The following TGFBR2 variants were observed in gnomAD, a reference collection of about 807,000 sequenced individuals.
The protein encoded by TGFBR2 is TGF-beta receptor type-2.
TGFBR2 carries 18 observed loss-of-function variants against 49.0 expected under a neutral mutation model. The ratio of observed to expected loss-of-function variants is 0.37; its 90% confidence interval spans 0.25 to 0.54. The LOEUF (loss-of-function observed/expected upper bound fraction) is 0.54, where lower values mean the gene tolerates loss of function less well. Ranked by LOEUF, TGFBR2 falls within the 20% of genes least tolerant of loss-of-function variation. TGFBR2 has a pLI of 0.85. For missense variants in TGFBR2, 525 were observed against 722.6 expected (o/e 0.73, Z 3.13); for synonymous variants, 282 against 275.9 (o/e 1.02, Z -0.22).
At chr3:30,618,593 A>G (rs539662754) in intron 1 of TGFBR2, among the ~76,000 whole-genome samples, 2 of 152,118 alleles carry the variant, frequency 1.3e-5, no homozygotes, top group South Asian at 4.1e-4. Context: ...CTCATTAGGC[A>G]TTTACTCACA....
rs1699660346 is a variant in TGFBR2, at chr3:30,688,440, G to A, written c.1453G>A (p.Glu485Lys). The change falls in exon 6 of 7, where the codon GAA becomes AAA. Residue 485 changes from glutamate to lysine, a missense_variant. Coordinates refer to ENST00000295754, the MANE Select transcript of TGFBR2 (RefSeq NM_003242.6). Reference sequence around the variant, plus strand: ...CAAGGTGCGGGAGCACCCCTGTGTCGAAAGCATGAAGGACAACGTGTTGAG... The same window carrying A: ...CAAGGTGCGGGAGCACCCCTGTGTCAAAAGCATGAAGGACAACGTGTTGAG... ...GSKVREHPCVESMKDNVLRDR... is the reference protein window; with the variant it reads ...GSKVREHPCVKSMKDNVLRDR... 1.9e-6 allele frequency: 3 copies of A among 1,614,208 alleles called. No individual in the cohort carries two copies. The highest frequency in any genetic ancestry group is 1.3e-5 in the African/African-American group (1 of 75,060).
At chr3:30,657,507 G>C (rs1393181059) in intron 3 of TGFBR2, among the ~76,000 whole-genome samples, 1 of 152,062 alleles carries the variant, frequency 6.6e-6, no homozygotes, top group Non-Finnish European at 1.5e-5. Context: ...TTGGTTCTTG[G>C]GGTAACTACT....
intron 1 of TGFBR2, among the ~76,000 whole-genome samples, chr3:30,627,197 C>T (rs557655558): frequency 1.3e-5 from 2 of 152,224 alleles, no homozygotes; most frequent in South Asian, 4.1e-4. Flanking sequence ...CCTAGAGACA[C>T]CTCTGGAATA....
At position 30,681,493 on chromosome 3, in the gene TGFBR2, G is replaced by C. The variant is rs555405486; in HGVS notation, c.1397-6891G>C. Among the ~76,000 whole-genome samples the C allele has an allele frequency of 2.6e-5, 4 of 152,308 alleles. No homozygotes were observed. In the East Asian group the frequency reaches 7.7e-4, roughly 29 times the overall value. On this transcript the variant is annotated intron_variant, in intron 5 of 6. Coordinates refer to ENST00000295754, the MANE Select transcript of TGFBR2 (RefSeq NM_003242.6). ...CCTCTGAGGGTTGTGGAACTGGGAA[G>C]AGACAGGCAAGCGTAGTTTTCTCTT...
rs886058325 is a variant in TGFBR2, at chr3:30,693,597, G to A, written c.*1998G>A. 3 of 233,308 alleles carry A rather than the reference G, an allele frequency of 1.3e-5. No individual in the cohort carries two copies. Among genetic ancestry groups the A allele is most frequent in the Non-Finnish European group, 2.5e-5 (3 of 117,850 alleles). The allele number at this position is 233,308 out of a possible 1,614,324, so 14.5% of individuals were successfully genotyped here. ...ACCTCTAGGCACCCTCCTCAGTGTG[G>A]GTGGGCTGAGAGTTAAAGACAGTGT... On this transcript the variant is annotated 3_prime_UTR_variant, in exon 7 of 7. Transcript: ENST00000295754.
At chr3:30,613,131 C>CTTTTTTTTT (rs5847644) in intron 1 of TGFBR2, among the ~76,000 whole-genome samples, 1 of 129,322 alleles carries the variant, frequency 7.7e-6, no homozygotes, top group Non-Finnish European at 1.6e-5. Flanking sequence ...ACATGCAGCT[C>CTTTTTTTTT]TTTTTTTTTT....
chr3:30,668,096 G>A (rs1466972245), intron 3 of TGFBR2, among the ~76,000 whole-genome samples: 1 of 152,150 alleles, frequency 6.6e-6, no homozygotes, highest in African/African-American at 2.4e-5. Flanking sequence ...TACAAAAGCA[G>A]GCCATGGACT....
intron 1 of TGFBR2, among the ~76,000 whole-genome samples, chr3:30,614,527 C>A (rs1031909074): frequency 1.7e-4 from 26 of 152,148 alleles, no homozygotes; most frequent in Non-Finnish European, 5.9e-5. Context: ...ACGCCCAAAT[C>A]CTGCAAACTT....
intron 5 of TGFBR2, among the ~76,000 whole-genome samples, chr3:30,682,647 C>A (rs898683417): frequency 6.6e-6 from 1 of 152,166 alleles, no homozygotes. Flanking sequence ...AGATTCTCAT[C>A]CTTACCTCAC....
intron 3 of TGFBR2, among the ~76,000 whole-genome samples, chr3:30,660,026 C>G (rs572739911): frequency 6.6e-6 from 1 of 152,140 alleles, no homozygotes; most frequent in African/African-American, 2.4e-5. Flanking sequence ...TATTCTAAAT[C>G]GCTCCTGCAT....
In TGFBR2 at chr3:30,650,166, GA is replaced by G. The variant is rs1246669999; in HGVS notation, c.264-100del. ...CGTTGTTAGGAACAACTTCATGAAG[GA>G]AAAGTATTCCAGATTGCCTTTCTGT... On this transcript the variant is annotated intron_variant, in intron 2 of 6. Transcript: ENST00000295754. 3.3e-6 allele frequency: 4 copies of G among 1,204,240 alleles called. No individual in the cohort carries two copies. The East Asian group carries it at 9.3e-5, about 28-fold the overall frequency. The allele number at this position is 1,204,240 out of a possible 1,614,324, so 74.6% of individuals were successfully genotyped here.
Position 30,606,975 on chromosome 3 carries a change from C to T in TGFBR2, c.92C>T (p.Ser31Leu). Reference sequence around the variant, plus strand: ...ACGATCCCACCGCACGTTCAGAAGTCGGGTGAGTGGTCCCCAGCCCGGGCT... The same window carrying T: ...ACGATCCCACCGCACGTTCAGAAGTTGGGTGAGTGGTCCCCAGCCCGGGCT... ...ASTIPPHVQK[S>L]VNNDMIVTDN... Residue 31 changes from serine to leucine, a missense_variant and splice_region_variant, in exon 1 of 7, where the codon TCG becomes TTG. Ser to Leu is a moderately radical substitution (Grantham distance 145). This residue lies in a region of TGFBR2 where 376 missense variants were observed against 478.2 expected (regional missense o/e 0.79). Transcript: ENST00000295754. The T allele has an allele frequency of 1.3e-6, 2 of 1,594,798 alleles. No individual in the cohort carries two copies. The highest frequency in any genetic ancestry group is 1.7e-6 in the Non-Finnish European group (2 of 1,170,940).
intron 1 of TGFBR2, among the ~76,000 whole-genome samples, chr3:30,619,662 GAC>G (rs1211500656): frequency 6.6e-6 from 1 of 152,042 alleles, no homozygotes; most frequent in Non-Finnish European, 1.5e-5. Context: ...CCTAGCTTGT[GAC>G]CATTCTCCAC....
rs538562631 is a variant in TGFBR2, at chr3:30,638,694, G to T, written c.95-6053G>T. 3.5e-4 allele frequency among the ~76,000 whole-genome samples: 54 copies of T among 152,316 alleles called. 2 individuals carry two copies. In the Middle Eastern group the frequency reaches 0.01, roughly 29 times the overall value. ...GGTTTAATCACAAGGTGTTTGTTTG[G>T]TTGGTTGGTTGGTTGTAGTAATTGG... On this transcript the variant is annotated intron_variant, in intron 1 of 6. Transcript: ENST00000295754.
chr3:30,610,885 G>A (rs1199732173), intron 1 of TGFBR2, among the ~76,000 whole-genome samples: 2 of 152,110 alleles, frequency 1.3e-5, no homozygotes, highest in Non-Finnish European at 2.9e-5. Flanking sequence ...GTCTATTTGT[G>A]TCACTACACA....
intron 1 of TGFBR2, among the ~76,000 whole-genome samples, chr3:30,639,898 C>G (rs1166768842): frequency 6.6e-6 from 1 of 152,154 alleles, no homozygotes; most frequent in Non-Finnish European, 1.5e-5. Context: ...AATGGTTCAG[C>G]TAATAATAGA....
chr3:30,662,551 T>G (rs1263395566), intron 3 of TGFBR2, among the ~76,000 whole-genome samples: 2 of 152,246 alleles, frequency 1.3e-5, no homozygotes, highest in Admixed American at 1.3e-4. Context: ...ATATCCAGAA[T>G]GTCAAACAGT....
intron 2 of TGFBR2, among the ~76,000 whole-genome samples, chr3:30,649,259 T>C (rs17025923): frequency 0.055 from 8,377 of 152,222 alleles, 775 homozygotes; most frequent in African/African-American, 0.19. Flanking sequence ...CAGACTAGCC[T>C]TGTTGGACAG....
chr3:30,622,905 AAGAGAAAG>A (rs1698259828), intron 1 of TGFBR2, among the ~76,000 whole-genome samples: 1 of 136,682 alleles, frequency 7.3e-6, no homozygotes. Flanking sequence ...AAAAAAAAAA[AAGAGAAAG>A]GAAAAAGAAA....
Sources: allele counts gnomAD v4.1 joint callset (sites outside exome capture counted in the v4.1 genomes callset), GRCh38; gene constraint gnomAD v4.1.1; regional missense constraint gnomAD v4.1.1; transcripts MANE v1.5; gene names NCBI Gene and HGNC (gene_info 2026-07-23, HGNC 2026-07-21).